Variants in ADAMTSL1 observed in about 807,000 individuals in gnomAD.
The protein encoded by ADAMTSL1 is ADAMTS-like protein 1.
A neutral mutation model predicts 201.8 loss-of-function variants in ADAMTSL1; 126 were observed. The observed-to-expected ratio is 0.62, with a 90% CI of 0.54 to 0.72. The LOEUF is 0.72. Among genes scored for constraint, ADAMTSL1 ranks in the 30% least tolerant of loss-of-function variants. ADAMTSL1 has a pLI of 0.00. For synonymous variants in ADAMTSL1, 1,121 were observed against 903.4 expected, an observed-to-expected ratio of 1.24 and a Z score of -4.32; for missense variants, 2,679 against 2,277.8, an observed-to-expected ratio of 1.18 and a Z score of -3.59.
intron 2 of ADAMTSL1, among the ~76,000 whole-genome samples, chr9:18,232,201 T>C (rs932099265): frequency 1.3e-5 from 2 of 152,196 alleles, no homozygotes; most frequent in African/African-American, 4.8e-5. Context: ...ACTAGCTTCC[T>C]TGCTCTTCTC....
At chr9:18,391,230 G>A (rs747010129) in intron 2 of ADAMTSL1, among the ~76,000 whole-genome samples, 12 of 152,166 alleles carry the variant, frequency 7.9e-5, no homozygotes, top group South Asian at 2.1e-4. Flanking sequence ...TATAAAAACT[G>A]TGATATTTTA....
chr9:18,659,635 C>A (rs1055447665), intron 8 of ADAMTSL1, among the ~76,000 whole-genome samples: 1 of 152,116 alleles, frequency 6.6e-6, no homozygotes, highest in Non-Finnish European at 1.5e-5. Flanking sequence ...GGTGTGGTGG[C>A]GCGAGCCTGT....
chr9:18,062,956 A>G, intron 1 of ADAMTSL1, among the ~76,000 whole-genome samples: 1 of 152,180 alleles, frequency 6.6e-6, no homozygotes, highest in African/African-American at 2.4e-5. Context: ...TGCATGGCAC[A>G]TTATGCCAAG....
At chr9:18,591,243 G>C (rs919323950) in intron 4 of ADAMTSL1, among the ~76,000 whole-genome samples, 3 of 152,058 alleles carry the variant, frequency 2.0e-5, no homozygotes, top group Non-Finnish European at 2.9e-5. Context: ...ACATCCTCTT[G>C]CTGAATTAAC....
intron 5 of ADAMTSL1, among the ~76,000 whole-genome samples, chr9:18,622,911 T>C (rs1297236016): frequency 1.3e-5 from 2 of 152,240 alleles, no homozygotes; most frequent in Non-Finnish European, 2.9e-5. Flanking sequence ...TTTGTTTGTT[T>C]TTGACTGAGT....
At chr9:18,662,641 T>A (rs1446329791) in intron 9 of ADAMTSL1, among the ~76,000 whole-genome samples, 1 of 152,212 alleles carries the variant, frequency 6.6e-6, no homozygotes, top group Admixed American at 6.5e-5. Context: ...TTAAAAGGTC[T>A]TTGAAAGTAG....
chr9:18,188,279 C>G (rs1295119165), intron 2 of ADAMTSL1, among the ~76,000 whole-genome samples: 2 of 152,134 alleles, frequency 1.3e-5, no homozygotes, highest in Non-Finnish European at 2.9e-5. Flanking sequence ...CCACTCAACC[C>G]TACACACCGG....
intron 23 of ADAMTSL1, among the ~76,000 whole-genome samples, chr9:18,884,923 A>T (rs1362551737): frequency 6.6e-6 from 1 of 152,226 alleles, no homozygotes; most frequent in Non-Finnish European, 1.5e-5. Flanking sequence ...TATTTGCAAA[A>T]TATATCATTG....
At chr9:18,448,322 C>T (rs1820275674) in intron 2 of ADAMTSL1, among the ~76,000 whole-genome samples, 2 of 152,126 alleles carry the variant, frequency 1.3e-5, no homozygotes, top group South Asian at 4.1e-4. Flanking sequence ...AGCTAGCCAT[C>T]CACCTGCTGT....
chr9:18,297,923 G>C (rs1392814637), intron 2 of ADAMTSL1, among the ~76,000 whole-genome samples: 1 of 152,154 alleles, frequency 6.6e-6, no homozygotes, highest in Admixed American at 6.6e-5. Context: ...GGGATGTGAT[G>C]CTATTGTTTT....
chr9:18,057,785 C>T (rs1822264195), intron 1 of ADAMTSL1, among the ~76,000 whole-genome samples: 1 of 152,200 alleles, frequency 6.6e-6, no homozygotes, highest in Non-Finnish European at 1.5e-5. Flanking sequence ...AATGAGCTTC[C>T]TAGCACTCGT....
At chr9:18,710,147 C>T (rs1554737054) in intron 14 of ADAMTSL1, among the ~76,000 whole-genome samples, 1 of 152,180 alleles carries the variant, frequency 6.6e-6, no homozygotes, top group Non-Finnish European at 1.5e-5. Context: ...ACTCCCAGTT[C>T]CAGGGCGGCT....
intron 2 of ADAMTSL1, among the ~76,000 whole-genome samples, chr9:18,437,031 G>A (rs1666940975): frequency 1.3e-5 from 2 of 151,486 alleles, no homozygotes; most frequent in African/African-American, 4.9e-5. Context: ...CTTGTTATCT[G>A]AGCATCAGCC....
At chr9:18,181,141 T>C (rs1828455322) in intron 2 of ADAMTSL1, among the ~76,000 whole-genome samples, 2 of 152,278 alleles carry the variant, frequency 1.3e-5, no homozygotes, top group East Asian at 3.9e-4. Flanking sequence ...CAATTCAAGA[T>C]GGATTAAAGA....
chr9:18,289,055 T>C (rs2132668369), intron 2 of ADAMTSL1, among the ~76,000 whole-genome samples: 1 of 152,328 alleles, frequency 6.6e-6, no homozygotes, highest in East Asian at 1.9e-4. Flanking sequence ...TAGAATTATA[T>C]ATTAGTCTGG....
At position 18,639,370 on chromosome 9, in the gene ADAMTSL1, C is replaced by A; in HGVS notation, c.793C>A (p.Leu265Met). 3 of 1,612,942 alleles carry A rather than the reference C, an allele frequency of 1.9e-6. No homozygotes were observed. In the South Asian group the frequency reaches 3.3e-5, roughly 18 times the overall value. The change falls in exon 7 of 29, where the codon CTG becomes ATG. Residue 265 changes from leucine to methionine, a missense_variant. Coordinates refer to ENST00000380548, the MANE Select transcript of ADAMTSL1 (RefSeq NM_001040272.6). ...DFQKFPDKEI[L>M]RMAGPLTADF... ...CCAGAAATTTCCAGACAAAGAGATA[C>A]TGAGAATGGCTGGACCACTCACAGC...
chr9:18,656,288 T>G lies in ADAMTSL1; in HGVS notation c.835-1351T>G, dbSNP rs1165770009. On this transcript the variant is annotated intron_variant, in intron 7 of 28. Transcript: ENST00000380548. Reference sequence around the variant, plus strand: ...AGAAATAGGGCTATTTTTAAAATAATCTGAAGGCCAAATCCATCCATTTAT... The same window carrying G: ...AGAAATAGGGCTATTTTTAAAATAAGCTGAAGGCCAAATCCATCCATTTAT... Among the ~76,000 whole-genome samples, 3 of 152,022 alleles carry G rather than the reference T, an allele frequency of 2.0e-5. No individual in the cohort carries two copies. In the East Asian group the frequency reaches 5.8e-4, roughly 29 times the overall value.
At chr9:18,295,437 C>G (rs531542768) in intron 2 of ADAMTSL1, among the ~76,000 whole-genome samples, 94 of 151,962 alleles carry the variant, frequency 6.2e-4, no homozygotes, top group Non-Finnish European at 5.1e-4. Context: ...CTCCTGGGTT[C>G]AAGCAATCCT....
chr9:18,826,186 C>T lies in ADAMTSL1; in HGVS notation c.3935-98C>T, dbSNP rs1824543131. On this transcript the variant is annotated intron_variant, in intron 21 of 28. Coordinates refer to ENST00000380548, the MANE Select transcript of ADAMTSL1 (RefSeq NM_001040272.6). ...AGAAGATGTCCCTGTAGAGCAGCCC[C>T]AGGGAAGGGGGATTCAAGAAGCTAT... The T allele has an allele frequency of 2.1e-6, 3 of 1,434,318 alleles. No individual in the cohort carries two copies. In the East Asian group the frequency reaches 7.4e-5, roughly 36 times the overall value. The allele number at this position is 1,434,318 out of a possible 1,614,324, so 88.8% of individuals were successfully genotyped here.
Sources: allele counts gnomAD v4.1 joint callset (sites outside exome capture counted in the v4.1 genomes callset), GRCh38; gene constraint gnomAD v4.1.1; transcripts MANE v1.5; gene names NCBI Gene and HGNC (gene_info 2026-07-23, HGNC 2026-07-21).